Variants in TBCE observed in about 807,000 individuals in gnomAD.
TBCE encodes the protein tubulin-specific chaperone E.
TBCE carries 53 observed loss-of-function variants against 77.0 expected under a neutral mutation model. That is an observed-to-expected ratio of 0.69 (90% CI 0.55 to 0.87). TBCE has a LOEUF of 0.87. Ranked by LOEUF, TBCE falls within the 40% of genes least tolerant of loss-of-function variation. The pLI is 0.00. For synonymous variants in TBCE, 235 were observed against 241.3 expected (o/e 0.97, Z 0.24); for missense variants, 624 against 622.4 (o/e 1.00, Z -0.03).
intron 2 of TBCE, among the ~76,000 whole-genome samples, chr1:235,389,653 T>C (rs1022633759): frequency 3.3e-5 from 5 of 152,058 alleles, no homozygotes; most frequent in Non-Finnish European, 7.4e-5. Flanking sequence ...AGAGGTCATC[T>C]TTTGGAATTG....
chr1:235,435,940 CAAT>C (rs1264486112), intron 9 of TBCE, 100 bp downstream of exon 9: 9 of 1,060,504 alleles, frequency 8.5e-6, no homozygotes, highest in Non-Finnish European at 1.3e-5. Context: ...AACGTGGTAA[CAAT>C]GATGGAATTT....
At chr1:235,426,277 C>T (rs1680709775) in intron 5 of TBCE, among the ~76,000 whole-genome samples, 1 of 152,156 alleles carries the variant, frequency 6.6e-6, no homozygotes, top group African/African-American at 2.4e-5. Context: ...CTGTGTTATC[C>T]TCTCTGAATC....
intron 1 of TBCE, among the ~76,000 whole-genome samples, chr1:235,369,797 A>C (rs1401890206): frequency 6.6e-6 from 1 of 150,498 alleles, no homozygotes; most frequent in East Asian, 2.0e-4. Flanking sequence ...GTGCCATTGC[A>C]CTCCAGTCTG....
At chr1:235,401,003 CTT>C (rs1226053601) in intron 2 of TBCE, among the ~76,000 whole-genome samples, 5 of 136,690 alleles carry the variant, frequency 3.7e-5, no homozygotes, top group Non-Finnish European at 3.2e-5. Context: ...TGTGCCTGGG[CTT>C]TTTTTTTTTT....
At chr1:235,385,246 C>A (rs891681425) in intron 2 of TBCE, among the ~76,000 whole-genome samples, 2 of 151,942 alleles carry the variant, frequency 1.3e-5, no homozygotes, top group African/African-American at 4.8e-5. Context: ...ACTATGTGGT[C>A]AATTTTGGAA....
chr1:235,387,525 C>A (rs182431643), intron 2 of TBCE, among the ~76,000 whole-genome samples: 1 of 152,210 alleles, frequency 6.6e-6, no homozygotes, highest in Non-Finnish European at 1.5e-5. Context: ...CCCCCAGCCG[C>A]GCTGCTGCCT....
chr1:235,380,272 C>T (rs866828474), intron 2 of TBCE, 123 bp downstream of exon 2: 31 of 890,874 alleles, frequency 3.5e-5, no homozygotes, highest in Admixed American at 1.2e-4. Flanking sequence ...CAAATTTTGA[C>T]GAAATTAACA....
At chr1:235,392,277 C>G (rs72759713) in intron 2 of TBCE, among the ~76,000 whole-genome samples, 2,061 of 152,192 alleles carry the variant, frequency 0.014, 22 homozygotes, top group Middle Eastern at 0.065. Context: ...ATTGCTTGAG[C>G]CCAGGAAGTT....
At chr1:235,405,200 T>C (rs1267403025) in intron 3 of TBCE, among the ~76,000 whole-genome samples, 1 of 151,840 alleles carries the variant, frequency 6.6e-6, no homozygotes, top group Non-Finnish European at 1.5e-5. Flanking sequence ...TGATCTCAGG[T>C]GATCTGCCTG....
rs150592371 is a variant in TBCE at position 235,430,713 on chromosome 1, A to G, written c.569A>G (p.Lys190Arg). 1 of 1,612,496 alleles carries G rather than the reference A, an allele frequency of 6.2e-7. No individual in the cohort carries two copies. Among genetic ancestry groups the G allele is most frequent in the Non-Finnish European group, 8.5e-7 (1 of 1,179,034 alleles). ...CTTTTTTTTCTACACAGTGAAAATA[A>G]ACTAAAATTTCCCTCCGGTTCAGTA... ...HLEVLNVSENKLKFPSGSVLT... is the reference protein window; with the variant it reads ...HLEVLNVSENRLKFPSGSVLT... The change falls in exon 7 of 17, where the codon AAA becomes AGA. Residue 190 changes from lysine to arginine, a missense_variant. Coordinates refer to ENST00000642610, the MANE Select transcript of TBCE (RefSeq NM_003193.5).
intron 1 of TBCE, among the ~76,000 whole-genome samples, chr1:235,369,399 C>A (rs1047366437): frequency 1.3e-5 from 2 of 151,836 alleles, no homozygotes. Context: ...CTCAGCTACT[C>A]AGGAGGCTGA....
chr1:235,421,007 G>C (rs1016791630), intron 5 of TBCE, among the ~76,000 whole-genome samples: 1 of 152,156 alleles, frequency 6.6e-6, no homozygotes, highest in Admixed American at 6.5e-5. Context: ...CCCAACAGAG[G>C]CTCTTTATGA....
At chr1:235,384,089 T>G (rs1677845248) in intron 2 of TBCE, among the ~76,000 whole-genome samples, 1 of 149,066 alleles carries the variant, frequency 6.7e-6, no homozygotes, top group South Asian at 2.1e-4. Flanking sequence ...GGTTTTTGTC[T>G]TTGGTTCTGT....
At chr1:235,388,283 C>CTTTTTTTT (rs908940784) in intron 2 of TBCE, among the ~76,000 whole-genome samples, 6 of 117,328 alleles carry the variant, frequency 5.1e-5, no homozygotes, top group African/African-American at 6.6e-5. Context: ...TCTGTTACTT[C>CTTTTTTTT]TTTTTTTTTT....
intron 12 of TBCE, among the ~76,000 whole-genome samples, chr1:235,438,366 C>A (rs3765799): frequency 2.0e-5 from 3 of 151,928 alleles, no homozygotes; most frequent in East Asian, 1.9e-4. Flanking sequence ...GCTAACACGG[C>A]GAAACCCCGT....
chr1:235,432,298 T>G (rs56304370), intron 7 of TBCE, among the ~76,000 whole-genome samples: 3,409 of 152,278 alleles, frequency 0.022, 136 homozygotes, highest in African/African-American at 0.077. Flanking sequence ...CATTCCACTT[T>G]CAAACCAAGG....
chr1:235,415,585 G>T (rs927935853), intron 4 of TBCE: 27 of 152,104 alleles, frequency 1.8e-4, no homozygotes, highest in African/African-American at 6.3e-4. Context: ...GTCTCTAAAA[G>T]AATTAAGCTA....
intron 5 of TBCE, among the ~76,000 whole-genome samples, chr1:235,423,333 CTGT>C (rs1412125129): frequency 1.3e-5 from 2 of 152,076 alleles, no homozygotes; most frequent in African/African-American, 2.4e-5. Flanking sequence ...ATATTGACAG[CTGT>C]TGTTCGTGGT....
intron 3 of TBCE, among the ~76,000 whole-genome samples, chr1:235,409,009 CTTT>C (rs10565716): frequency 8.9e-4 from 124 of 138,576 alleles, no homozygotes; most frequent in Middle Eastern, 3.8e-3. Context: ...AACAGCCAAT[CTTT>C]TTTTTTTTTT....
Sources: gnomAD v4.1 joint callset for allele counts (sites outside exome capture counted in the v4.1 genomes callset) on GRCh38, gnomAD v4.1.1 for gene constraint, MANE v1.5 for transcripts, NCBI Gene and HGNC (gene_info 2026-07-23, HGNC 2026-07-21) for gene names.